The following GPR39 variants were observed in gnomAD, a reference collection of about 807,000 sequenced individuals.
GPR39 encodes the protein G protein-coupled receptor 39.
Under a neutral mutation model 18.4 loss-of-function variants are expected in GPR39, and 23 were observed. The observed-to-expected ratio is 1.25, with a 90% CI of 0.90 to 1.77. The LOEUF (loss-of-function observed/expected upper bound fraction) is 1.77. GPR39 is among the 40% of genes most tolerant of loss of function. The probability of loss-of-function intolerance (pLI) is 0.00; values close to 1 mark genes in which losing one functional copy is unlikely to be tolerated. For synonymous variants in GPR39, 280 were observed against 257.9 expected, an observed-to-expected ratio of 1.09 and a Z score of -0.82; for missense variants, 647 against 602.4, an observed-to-expected ratio of 1.07 and a Z score of -0.78.
intron 1 of GPR39, among the ~76,000 whole-genome samples, chr2:132,430,520 A>G (rs1193271835): frequency 6.6e-6 from 1 of 152,222 alleles, no homozygotes; most frequent in Non-Finnish European, 1.5e-5. Context: ...AAGGCTAAAT[A>G]AAGAACCAGA....
intron 1 of GPR39, among the ~76,000 whole-genome samples, chr2:132,571,242 C>T (rs1232226971): frequency 6.6e-6 from 1 of 152,182 alleles, no homozygotes; most frequent in African/African-American, 2.4e-5. Flanking sequence ...TGATTTGGAT[C>T]TATCCTAAGA....
chr2:132,581,472 G>A (rs1438271025), intron 1 of GPR39, among the ~76,000 whole-genome samples: 3 of 151,914 alleles, frequency 2.0e-5, no homozygotes, highest in African/African-American at 4.8e-5. Context: ...GAACAAAAAT[G>A]TTCCCTTTGG....
At chr2:132,426,507 C>G (rs1358262645) in intron 1 of GPR39, among the ~76,000 whole-genome samples, 2 of 152,188 alleles carry the variant, frequency 1.3e-5, no homozygotes, top group African/African-American at 2.4e-5. Context: ...TTCCAGAGTC[C>G]TCCTCACCAG....
chr2:132,486,059 A>G (rs1681331490), intron 1 of GPR39, among the ~76,000 whole-genome samples: 1 of 152,216 alleles, frequency 6.6e-6, no homozygotes, highest in Non-Finnish European at 1.5e-5. Context: ...AATAGGTATG[A>G]ACATTAATCT....
At chr2:132,643,368 T>TC (rs1364571978) in intron 1 of GPR39, among the ~76,000 whole-genome samples, 1 of 152,202 alleles carries the variant, frequency 6.6e-6, no homozygotes, top group African/African-American at 2.4e-5. Flanking sequence ...GAGAAGAGTT[T>TC]CCAAGGCCTT....
intron 1 of GPR39, among the ~76,000 whole-genome samples, chr2:132,431,805 A>T (rs1413304095): frequency 6.6e-6 from 1 of 152,180 alleles, no homozygotes; most frequent in Non-Finnish European, 1.5e-5. Flanking sequence ...AATGGGGAGT[A>T]TATTAGTTTC....
chr2:132,483,773 A>C (rs1016341526), intron 1 of GPR39, among the ~76,000 whole-genome samples: 1 of 152,186 alleles, frequency 6.6e-6, no homozygotes, highest in South Asian at 2.1e-4. Flanking sequence ...CCTAGGGTTC[A>C]AGCCTCAAGA....
intron 1 of GPR39, among the ~76,000 whole-genome samples, chr2:132,614,240 T>C (rs927202999): frequency 4.6e-5 from 7 of 152,102 alleles, no homozygotes; most frequent in Non-Finnish European, 8.8e-5. Context: ...AGAGTCTTGC[T>C]CTGTCGCACA....
intron 1 of GPR39, among the ~76,000 whole-genome samples, chr2:132,559,949 T>C (rs1438457325): frequency 1.3e-5 from 2 of 151,748 alleles, no homozygotes; most frequent in African/African-American, 4.8e-5. Context: ...GGAGTAAAAA[T>C]GGGGGCTGGG....
intron 1 of GPR39, among the ~76,000 whole-genome samples, chr2:132,513,970 G>A (rs1679285286): frequency 6.6e-6 from 1 of 152,174 alleles, no homozygotes; most frequent in African/African-American, 2.4e-5. Context: ...ATCTAATAGA[G>A]CTGGTTTGAG....
At chr2:132,485,412 G>A (rs1200543242) in intron 1 of GPR39, among the ~76,000 whole-genome samples, 1 of 152,114 alleles carries the variant, frequency 6.6e-6, no homozygotes, top group Admixed American at 6.5e-5. Context: ...TTGCCACTTC[G>A]ACTGACTCTT....
At chr2:132,553,432 A>G (rs1012804395) in intron 1 of GPR39, among the ~76,000 whole-genome samples, 2 of 150,136 alleles carry the variant, frequency 1.3e-5, no homozygotes, top group South Asian at 4.2e-4. Flanking sequence ...AAATATATAC[A>G]TATATATATA....
intron 1 of GPR39, among the ~76,000 whole-genome samples, chr2:132,521,683 G>A (rs1679429105): frequency 8.1e-6 from 1 of 122,990 alleles, no homozygotes; most frequent in Admixed American, 9.3e-5. Context: ...CCATCTCCGG[G>A]ATCTTGTTCT....
intron 1 of GPR39, among the ~76,000 whole-genome samples, chr2:132,613,890 C>T (rs531755991): frequency 4.0e-4 from 61 of 152,286 alleles, no homozygotes; most frequent in African/African-American, 1.3e-3. Context: ...ACAGTGTCTA[C>T]GTCTTAATAG....
At chr2:132,439,681 C>T (rs754337521) in intron 1 of GPR39, among the ~76,000 whole-genome samples, 3 of 152,178 alleles carry the variant, frequency 2.0e-5, no homozygotes, top group Non-Finnish European at 4.4e-5. Flanking sequence ...TCCATTTCAG[C>T]ACAGGTTTAG....
intron 1 of GPR39, among the ~76,000 whole-genome samples, chr2:132,462,146 CAGATG>C (rs888392806): frequency 4.6e-5 from 7 of 152,162 alleles, no homozygotes; most frequent in Non-Finnish European, 8.8e-5. Context: ...CAACACTGGA[CAGATG>C]AGATGTACAG....
At chr2:132,431,706 G>C (rs1680226366) in intron 1 of GPR39, among the ~76,000 whole-genome samples, 1 of 152,160 alleles carries the variant, frequency 6.6e-6, no homozygotes, top group Non-Finnish European at 1.5e-5. Flanking sequence ...GAGAATATGT[G>C]GAGGGAGTGT....
At chr2:132,548,566 ACT>A (rs1333202491) in intron 1 of GPR39, among the ~76,000 whole-genome samples, 1 of 152,174 alleles carries the variant, frequency 6.6e-6, no homozygotes, top group East Asian at 1.9e-4. Flanking sequence ...AAGGAATTTA[ACT>A]CTGCTAAGCC....
intron 1 of GPR39, among the ~76,000 whole-genome samples, chr2:132,486,513 T>C (rs1217803069): frequency 2.6e-5 from 4 of 152,244 alleles, no homozygotes; most frequent in Admixed American, 2.6e-4. Flanking sequence ...TCTACTGTCT[T>C]AGCTAGATCT....
Sources: gnomAD v4.1 joint callset for allele counts (sites outside exome capture counted in the v4.1 genomes callset) on GRCh38, gnomAD v4.1.1 for gene constraint, MANE v1.5 for transcripts, NCBI Gene and HGNC (gene_info 2026-07-23, HGNC 2026-07-21) for gene names.